WWC1: variants seen among roughly 807,000 people sequenced by gnomAD.
The protein encoded by WWC1 is WW and C2 domain containing 1.
WWC1 carries 55 observed loss-of-function variants against 138.4 expected under a neutral mutation model. The observed-to-expected ratio is 0.40, with a 90% CI of 0.32 to 0.50. The LOEUF is 0.50. Ranked by LOEUF, WWC1 falls within the 20% of genes least tolerant of loss-of-function variation. WWC1 has a pLI of 0.72. For missense variants in WWC1, 1,226 were observed against 1,420.4 expected, an observed-to-expected ratio of 0.86 and a Z score of 2.20; for synonymous variants, 524 against 564.9, an observed-to-expected ratio of 0.93 and a Z score of 1.03.
chr5:168,398,425 A>G (rs1432195470), intron 4 of WWC1, among the ~76,000 whole-genome samples: 1 of 152,204 alleles, frequency 6.6e-6, no homozygotes, highest in Non-Finnish European at 1.5e-5. Context: ...AAGATGAGCA[A>G]ACAGAGGCTT....
chr5:168,354,661 G>A (rs1262936081), intron 1 of WWC1, among the ~76,000 whole-genome samples: 1 of 152,158 alleles, frequency 6.6e-6, no homozygotes, highest in Non-Finnish European at 1.5e-5. Flanking sequence ...CTAGACATCT[G>A]TGTATTCCAT....
chr5:168,391,671 A>C (rs1455573939), intron 3 of WWC1, among the ~76,000 whole-genome samples: 10 of 148,272 alleles, frequency 6.7e-5, no homozygotes, highest in Non-Finnish European at 1.3e-4. Flanking sequence ...AAAAAAAAAA[A>C]CAAAAAAACT....
chr5:168,430,345 C>T (rs1415178433), intron 14 of WWC1, 122 bp downstream of exon 14: 1 of 687,780 alleles, frequency 1.5e-6, no homozygotes, highest in Non-Finnish European at 2.5e-6. Flanking sequence ...TGGGTTTGTA[C>T]TGCATATGAC....
chr5:168,454,249 T>G, intron 18 of WWC1, 149 bp downstream of exon 18: 2 of 1,235,614 alleles, frequency 1.6e-6, no homozygotes. Flanking sequence ...TGGGTCATTC[T>G]GGTGATAGTA....
chr5:168,343,262 A>G (rs1774195598), intron 1 of WWC1, among the ~76,000 whole-genome samples: 1 of 152,162 alleles, frequency 6.6e-6, no homozygotes, highest in South Asian at 2.1e-4. Flanking sequence ...CTGCATTTGA[A>G]TTTATTCATG....
intron 17 of WWC1, among the ~76,000 whole-genome samples, chr5:168,452,108 A>G (rs6870442): frequency 0.81 from 123,396 of 151,874 alleles, 50,478 homozygotes; most frequent in African/African-American, 0.92. Flanking sequence ...GTTTTACCAC[A>G]TTGGCCAAGA....
rs887778693 is a variant in WWC1 at position 168,414,601 on chromosome 5, G to A, written c.1184+11G>A. ...GGCGCTGACGGAGAGGTGGGGCTGG[G>A]GCCCCAGGGTGTGTAGGACCCTTCT... On this transcript the variant is annotated intron_variant, in intron 9 of 22. Coordinates refer to ENST00000265293, the MANE Select transcript of WWC1 (RefSeq NM_015238.3). 1.3e-6 allele frequency: 2 copies of A among 1,547,990 alleles called. No homozygotes were observed. Among genetic ancestry groups the A allele is most frequent in the African/African-American group, 1.4e-5 (1 of 73,202 alleles).
intron 1 of WWC1, among the ~76,000 whole-genome samples, chr5:168,351,967 G>A (rs1775002550): frequency 6.6e-6 from 1 of 152,094 alleles, no homozygotes; most frequent in African/African-American, 2.4e-5. Context: ...ACCCTCCCGT[G>A]GCAGCTGATG....
chr5:168,306,464 G>T (rs1770575633), intron 1 of WWC1, among the ~76,000 whole-genome samples: 1 of 152,180 alleles, frequency 6.6e-6, no homozygotes, highest in Non-Finnish European at 1.5e-5. Context: ...CCTCTTCTAT[G>T]CCTATCTTCT....
intron 1 of WWC1, among the ~76,000 whole-genome samples, chr5:168,332,611 C>T (rs1025274346): frequency 1.3e-5 from 2 of 152,178 alleles, no homozygotes; most frequent in African/African-American, 4.8e-5. Context: ...ATATTAACTT[C>T]CCTGTAACTT....
intron 17 of WWC1, among the ~76,000 whole-genome samples, chr5:168,451,362 C>A (rs1015302171): frequency 1.3e-5 from 2 of 152,130 alleles, no homozygotes; most frequent in Non-Finnish European, 2.9e-5. Flanking sequence ...GTAACAGACA[C>A]TTCACCTGGG....
rs760764028 is a variant in WWC1 at position 168,444,452 on chromosome 5, C to T, written c.2434-42C>T. 4 of 1,534,486 alleles carry T rather than the reference C, an allele frequency of 2.6e-6. No individual in the cohort carries two copies. The South Asian group carries it at 4.8e-5, about 19-fold the overall frequency. On this transcript the variant is annotated intron_variant, in intron 16 of 22. Transcript: ENST00000265293. The stretch of plus-strand genomic sequence containing the variant: ...CTGATTCCTGGCAGGTAGGGTGGCA[C>T]CTACATTGTACCCAATGACCCAGCA...
intron 15 of WWC1, among the ~76,000 whole-genome samples, chr5:168,435,084 C>T (rs1327425926): frequency 6.6e-6 from 1 of 152,150 alleles, no homozygotes; most frequent in Non-Finnish European, 1.5e-5. Context: ...CAATGCTGCC[C>T]AGAAATTATA....
chr5:168,409,033 T>C (rs1780024772), intron 7 of WWC1, among the ~76,000 whole-genome samples: 1 of 152,158 alleles, frequency 6.6e-6, no homozygotes, highest in Non-Finnish European at 1.5e-5. Context: ...CAGCAGAGGA[T>C]ATTTTCCTCC....
chr5:168,405,831 A>G (rs925468571), intron 5 of WWC1, among the ~76,000 whole-genome samples: 1 of 151,392 alleles, frequency 6.6e-6, no homozygotes, highest in Non-Finnish European at 1.5e-5. Flanking sequence ...GGTTCAAGCA[A>G]TTCTCATGCC....
rs1561755092 is a variant in WWC1 at position 168,430,274 on chromosome 5, AC to A, written c.2087+55del. On this transcript the variant is annotated intron_variant, in intron 14 of 22. Coordinates refer to ENST00000265293, the MANE Select transcript of WWC1 (RefSeq NM_015238.3). Reference sequence around the variant, plus strand: ...TTTCATACCCTAACCCTCTGGAGTTACCCCTGGGGGTCACTTTTCTGCCCTG... The same window carrying A: ...TTTCATACCCTAACCCTCTGGAGTTACCCTGGGGGTCACTTTTCTGCCCTG... The A allele has an allele frequency of 6.6e-6, 10 of 1,525,150 alleles. No homozygotes were observed. In the Admixed American group the frequency reaches 1.3e-4, roughly 19 times the overall value. 94.5% of individuals were successfully genotyped at this position (1,525,150 alleles called of 1,614,324 possible).
chr5:168,424,141 G>C (rs764515852), intron 11 of WWC1, 73 bp downstream of exon 11: 7 of 1,501,584 alleles, frequency 4.7e-6, no homozygotes, highest in Non-Finnish European at 5.3e-6. Flanking sequence ...GAACCCCCCA[G>C]TGATCATTCT....
At chr5:168,457,598 A>G (rs1756453229) in intron 19 of WWC1, among the ~76,000 whole-genome samples, 1 of 152,152 alleles carries the variant, frequency 6.6e-6, no homozygotes, top group Non-Finnish European at 1.5e-5. Flanking sequence ...GAGCTCACAC[A>G]CTCATCATAA....
chr5:168,304,796 G>C (rs2152743632), intron 1 of WWC1, among the ~76,000 whole-genome samples: 1 of 151,992 alleles, frequency 6.6e-6, no homozygotes, highest in South Asian at 2.1e-4. Flanking sequence ...GGTGCACACA[G>C]CCAGTTGAAA....
Sources: allele counts gnomAD v4.1 joint callset (sites outside exome capture counted in the v4.1 genomes callset), GRCh38; gene constraint gnomAD v4.1.1; transcripts MANE v1.5; gene names NCBI Gene and HGNC (gene_info 2026-07-23, HGNC 2026-07-21).